BLTP1: variants seen among roughly 807,000 people sequenced by gnomAD.
BLTP1 encodes the protein fragile site-associated protein.
At chr4:122,206,565 A>G in the BLTP1 span, among the ~76,000 whole-genome samples, 1 of 151,936 alleles carries the variant, frequency 6.6e-6, no homozygotes, top group Non-Finnish European at 1.5e-5. Flanking sequence ...TTACAAAAAT[A>G]TATAATACAT....
the BLTP1 span, chr4:122,227,008 A>T: frequency 1.8e-6 from 1 of 568,378 alleles, no homozygotes; most frequent in African/African-American, 2.0e-5. Flanking sequence ...AGTATCTAAA[A>T]TATGAGATAA....
chr4:122,312,960 T>C, the BLTP1 span: 3 of 775,430 alleles, frequency 3.9e-6, no homozygotes, highest in Non-Finnish European at 4.7e-6. Context: ...GTTTACTTTG[T>C]TTAAAAGTTG....
chr4:122,286,791 T>C, the BLTP1 span: 1 of 1,603,604 alleles, frequency 6.2e-7, no homozygotes, highest in Non-Finnish European at 8.5e-7. Context: ...CAGAAGTAAG[T>C]TTACTTTAAA....
At chr4:122,192,152 T>A in the BLTP1 span, 1 of 1,492,902 alleles carries the variant, frequency 6.7e-7, no homozygotes, top group Non-Finnish European at 9.0e-7. Context: ...CAAAAAATGT[T>A]GGAGCTACTG....
At chr4:122,323,749 T>G in the BLTP1 span, among the ~76,000 whole-genome samples, 14 of 150,208 alleles carry the variant, frequency 9.3e-5, no homozygotes, top group Non-Finnish European at 1.5e-5. Flanking sequence ...ATTAAAATAT[T>G]ACTTGTGTCC....
At chr4:122,266,880 C>A in the BLTP1 span, 1 of 1,612,610 alleles carries the variant, frequency 6.2e-7, no homozygotes, top group South Asian at 1.1e-5. Context: ...CTTTCATTTT[C>A]AGGGACTTTG....
At chr4:122,166,816 A>G in the BLTP1 span, among the ~76,000 whole-genome samples, 66 of 152,134 alleles carry the variant, frequency 4.3e-4, 2 homozygotes, top group East Asian at 0.012. Flanking sequence ...ATTCCTAAGT[A>G]TTTTATTCTC....
the BLTP1 span, chr4:122,251,334 G>A: frequency 2.0e-6 from 2 of 982,732 alleles, no homozygotes; most frequent in South Asian, 9.4e-5. Context: ...GCCAATTGGA[G>A]AGGAAAAAGT....
chr4:122,313,204 T>C, the BLTP1 span, among the ~76,000 whole-genome samples: 2 of 152,174 alleles, frequency 1.3e-5, no homozygotes, highest in Non-Finnish European at 2.9e-5. Context: ...TGACCTAATG[T>C]GGCAGCTCTT....
chr4:122,244,566 A>G, the BLTP1 span: 1 of 642,094 alleles, frequency 1.6e-6, no homozygotes, highest in Non-Finnish European at 1.9e-6. Flanking sequence ...TTATTATATA[A>G]AACTAACATG....
At chr4:122,252,955 G>A in the BLTP1 span, among the ~76,000 whole-genome samples, 2 of 152,344 alleles carry the variant, frequency 1.3e-5, no homozygotes, top group Non-Finnish European at 2.9e-5. Flanking sequence ...AGCACACACA[G>A]AGAGAGACTC....
chr4:122,221,863 T>A, the BLTP1 span: 3 of 983,894 alleles, frequency 3.0e-6, no homozygotes, highest in South Asian at 9.4e-5. Flanking sequence ...TATCCCTGGT[T>A]TTTTATGAGT....
the BLTP1 span, chr4:122,197,914 G>A: frequency 1.1e-6 from 1 of 940,906 alleles, no homozygotes; most frequent in Non-Finnish European, 1.3e-6. Context: ...ATTTTGCCTT[G>A]TAATTGAGAG....
At chr4:122,155,361 C>T in the BLTP1 span, among the ~76,000 whole-genome samples, 5 of 150,406 alleles carry the variant, frequency 3.3e-5, no homozygotes, top group East Asian at 9.8e-4. Flanking sequence ...TTTCACTCTG[C>T]CTCCCAGGCT....
the BLTP1 span, chr4:122,344,920 T>A: frequency 1.0e-6 from 1 of 985,354 alleles, no homozygotes; most frequent in Non-Finnish European, 1.2e-6. Context: ...TAAAAATGTT[T>A]ACTTGATGTC....
the BLTP1 span, chr4:122,243,775 G>A: frequency 1.2e-5 from 16 of 1,382,596 alleles, no homozygotes; most frequent in Non-Finnish European, 9.4e-6. Context: ...ATGAATGCAT[G>A]TGTTCACTCA....
At chr4:122,327,536 G>A in the BLTP1 span, among the ~76,000 whole-genome samples, 5 of 151,562 alleles carry the variant, frequency 3.3e-5, no homozygotes, top group African/African-American at 7.3e-5. Context: ...GCATTCTTCA[G>A]TTTGATTGAT....
the BLTP1 span, chr4:122,243,822 T>C: frequency 6.9e-7 from 1 of 1,448,324 alleles, no homozygotes; most frequent in Admixed American, 2.7e-5. Flanking sequence ...CATGGTCTTT[T>C]TAATATACAA....
chr4:122,355,817 T>C, the BLTP1 span: 1 of 1,602,038 alleles, frequency 6.2e-7, no homozygotes, highest in Non-Finnish European at 8.5e-7. Flanking sequence ...CTTCGTAATG[T>C]TGATGCTAAC....
Sources: allele counts gnomAD v4.1 joint callset (sites outside exome capture counted in the v4.1 genomes callset), GRCh38; gene constraint gnomAD v4.1.1; transcripts MANE v1.5; gene names NCBI Gene and HGNC (gene_info 2026-07-23, HGNC 2026-07-21).